NLE1: variants seen among roughly 807,000 people sequenced by gnomAD.
NLE1 encodes the protein notchless protein homolog 1.
In NLE1, 37 loss-of-function variants were observed where a neutral mutation model predicts 62.8. The observed-to-expected ratio is 0.59, with a 90% CI of 0.45 to 0.78. The LOEUF (loss-of-function observed/expected upper bound fraction) is 0.78. Ranked by LOEUF, NLE1 falls within the 30% of genes least tolerant of loss-of-function variation. The probability of loss-of-function intolerance (pLI) is 0.00; values close to 1 mark genes in which losing one functional copy is unlikely to be tolerated. For missense variants in NLE1, 555 were observed against 637.9 expected, an observed-to-expected ratio of 0.87 and a Z score of 1.40; for synonymous variants, 243 against 253.0, an observed-to-expected ratio of 0.96 and a Z score of 0.37.
Position 35,132,244 on chromosome 17 carries a change from G to A in NLE1, c.*193C>T, listed in dbSNP as rs76822461. 2.6e-4 allele frequency: 107 copies of A among 411,572 alleles called. 2 individuals carry two copies. In the East Asian group the frequency reaches 4.0e-3, roughly 15 times the overall value. 25.5% of individuals were successfully genotyped at this position (411,572 alleles called of 1,614,324 possible). On this transcript the variant is annotated 3_prime_UTR_variant, in exon 13 of 13. Coordinates refer to ENST00000442241, the MANE Select transcript of NLE1 (RefSeq NM_018096.5). ...CCTGTGACCTTCGATTTCTGGCTCT[G>A]GGGTGTGCCACAGGCGGGGATCTGT...
rs539119547 is a variant in NLE1, at chr17:35,132,525, A to T, written c.1446-76T>A. On this transcript the variant is annotated intron_variant, in intron 12 of 12. Transcript: ENST00000442241. ...AGGCCGTCATATAATCCCAGTGTCA[A>T]CAGACGGACGGCCTGTGGTCCACCC... 9.4e-5 allele frequency: 116 copies of T among 1,227,622 alleles called. No individual in the cohort carries two copies. In the South Asian group the frequency reaches 2.9e-3, roughly 31 times the overall value. The allele number at this position is 1,227,622 out of a possible 1,614,324, so 76.0% of individuals were successfully genotyped here. A position where few individuals can be genotyped will look rare whatever the true frequency, so the allele number is the denominator to read the frequency against.
chr17:35,137,919 G>A, intron 4 of NLE1, 29 bp from the exon 5 acceptor site: 2 of 1,562,240 alleles, frequency 1.3e-6, no homozygotes, highest in Non-Finnish European at 1.8e-6. Flanking sequence ...GAGAAATAAG[G>A]GACTACATCT....
In NLE1 at chr17:35,137,091, G is replaced by A. The variant is rs139092313; in HGVS notation, c.738C>T (p.Thr246=). The A allele has an allele frequency of 2.9e-5, 47 of 1,613,836 alleles. No individual in the cohort carries two copies. In the Middle Eastern group the frequency reaches 1.6e-3, roughly 56 times the overall value. The part of the protein sequence containing the change: ...GRCERILTGH[T]QSVTCLRWGG... ...CCCACCGGAGACAGGTGACCGACTGGGTGTGCCCGGTGAGGATGCGCTCAC... is the reference window on the plus strand; with the variant it reads ...CCCACCGGAGACAGGTGACCGACTGAGTGTGCCCGGTGAGGATGCGCTCAC... The change falls in exon 7 of 13, where the codon ACC becomes ACT. Residue 246 remains threonine, a synonymous_variant. Coordinates refer to ENST00000442241, the MANE Select transcript of NLE1 (RefSeq NM_018096.5).
Position 35,137,849 on chromosome 17 carries a change from C to T in NLE1, c.502G>A (p.Gly168Ser), listed in dbSNP as rs2091918852. 1 of 1,613,726 alleles carries T rather than the reference C, an allele frequency of 6.2e-7. No individual in the cohort carries two copies. The highest frequency in any genetic ancestry group is 1.7e-5 in the Admixed American group (1 of 60,016). Reference sequence around the variant, plus strand: ...TTGCAGCCTGAGGCCAGCTTCCTGCCATCTGGAGACCAGGATATACTAAGG... The same window carrying T: ...TTGCAGCCTGAGGCCAGCTTCCTGCTATCTGGAGACCAGGATATACTAAGG... Reference protein sequence around the residue: ...WVLSISWSPDGRKLASGCKNG... With the variant: ...WVLSISWSPDSRKLASGCKNG... The change falls in exon 5 of 13, where the codon GGC becomes AGC. Residue 168 changes from glycine (G) to serine (S), a missense_variant. Coordinates refer to ENST00000442241, the MANE Select transcript of NLE1 (RefSeq NM_018096.5).
At position 35,130,105 on chromosome 17, in the gene NLE1, G is replaced by A. The variant is rs2091867297; in HGVS notation, c.*2332C>T. 7.0e-7 allele frequency: 1 copy of A among 1,429,516 alleles called. No homozygotes were observed. Among genetic ancestry groups the A allele is most frequent in the Admixed American group, 2.9e-5 (1 of 34,460 alleles). 88.6% of individuals were successfully genotyped at this position (1,429,516 alleles called of 1,614,324 possible). A position where few individuals can be genotyped will look rare whatever the true frequency, so the allele number is the denominator to read the frequency against. On this transcript the variant is annotated 3_prime_UTR_variant, in exon 13 of 13. Coordinates refer to ENST00000442241, the MANE Select transcript of NLE1 (RefSeq NM_018096.5). ...TTGGTTGGAAATATCCCATAATGAG[G>A]AGGTACAGGCTTGAGTCATGCATCT...
At position 35,130,275 on chromosome 17, in the gene NLE1, A is replaced by G. The variant is rs766211635; in HGVS notation, c.*2162T>C. 5.6e-6 allele frequency: 9 copies of G among 1,612,836 alleles called. No individual in the cohort carries two copies. The highest frequency in any genetic ancestry group is 6.8e-6 in the Non-Finnish European group (8 of 1,179,422). On this transcript the variant is annotated 3_prime_UTR_variant, in exon 13 of 13. Coordinates refer to ENST00000442241, the MANE Select transcript of NLE1 (RefSeq NM_018096.5). ...GAACTCTGAAGGGTTTTCTTGTTTC[A>G]CTTCAGTTTGCAACCCTGGCCACTG...
chr17:35,132,609 CCACT>C (rs2091883216), intron 12 of NLE1, among the ~76,000 whole-genome samples, 160 bp from the exon 13 acceptor site: 1 of 152,142 alleles, frequency 6.6e-6, no homozygotes, highest in African/African-American at 2.4e-5. Context: ...CTCAGGCTGC[CCACT>C]CACTGCCTGC....
rs770485496 is a variant in NLE1 at position 35,136,508 on chromosome 17, G to A, written c.829-11C>T. ...CCGGCACAGCACACCCTACGGGAGA[G>A]CGAGTCAGGTCAGACACACACACTC... On this transcript the variant is annotated splice_polypyrimidine_tract_variant and intron_variant, in intron 7 of 12. Coordinates refer to ENST00000442241, the MANE Select transcript of NLE1 (RefSeq NM_018096.5). 6.8e-6 allele frequency: 11 copies of A among 1,606,780 alleles called. No individual in the cohort carries two copies. In the East Asian group the frequency reaches 1.8e-4, roughly 26 times the overall value.
chr17:35,133,126 G>T, intron 12 of NLE1, 45 bp downstream of exon 12: 2 of 1,556,152 alleles, frequency 1.3e-6, no homozygotes, highest in Non-Finnish European at 1.8e-6. Flanking sequence ...GGACCTTAGG[G>T]GTAGGAGGGC....
At position 35,129,098 on chromosome 17, in the gene NLE1, C is replaced by A; in HGVS notation, c.*3339G>T. The A allele has an allele frequency of 4.0e-6, 1 of 250,152 alleles. No homozygotes were observed. Among genetic ancestry groups the A allele is most frequent in the Non-Finnish European group, 7.8e-6 (1 of 127,602 alleles). 15.5% of individuals were successfully genotyped at this position (250,152 alleles called of 1,614,324 possible). On this transcript the variant is annotated 3_prime_UTR_variant, in exon 13 of 13. Transcript: ENST00000442241. ...AAGCTTCGCTTGCTCGCCCACCAAT[C>A]TCCTCCTGCTGTGCTATCCAGTTCC...
chr17:35,138,737 C>A (rs899172465), intron 4 of NLE1, among the ~76,000 whole-genome samples: 1 of 152,220 alleles, frequency 6.6e-6, no homozygotes, highest in African/African-American at 2.4e-5. Context: ...GGCCACCACG[C>A]CTGGCCAGCA....
Position 35,130,611 on chromosome 17 carries a change from T to A in NLE1, c.*1826A>T. 1.6e-6 allele frequency: 1 copy of A among 635,596 alleles called. No individual in the cohort carries two copies. Among genetic ancestry groups the A allele is most frequent in the Non-Finnish European group, 2.7e-6 (1 of 374,416 alleles). The allele number at this position is 635,596 out of a possible 1,614,324, so 39.4% of individuals were successfully genotyped here. A position where few individuals can be genotyped will look rare whatever the true frequency, so the allele number is the denominator to read the frequency against. ...AGGCTACATAGGGGCCCCATTCACC[T>A]GGAGGCATCTCAGGCCAGGCCATGC... On this transcript the variant is annotated 3_prime_UTR_variant, in exon 13 of 13. Transcript: ENST00000442241.
chr17:35,134,198 G>C (rs1333097489), intron 10 of NLE1, among the ~76,000 whole-genome samples: 1 of 152,168 alleles, frequency 6.6e-6, no homozygotes, highest in Non-Finnish European at 1.5e-5. Context: ...AGATCCACAA[G>C]GTCTGAGTTG....
chr17:35,130,524 G>A lies in NLE1; in HGVS notation c.*1913C>T, dbSNP rs978826820. On this transcript the variant is annotated 3_prime_UTR_variant, in exon 13 of 13. Coordinates refer to ENST00000442241, the MANE Select transcript of NLE1 (RefSeq NM_018096.5). Reference sequence around the variant, plus strand: ...AGCCATGAGACCTACCATACCACCAGCACCCTGCGGGCCCGGGGTCTGGCA... The same window carrying A: ...AGCCATGAGACCTACCATACCACCAACACCCTGCGGGCCCGGGGTCTGGCA... 9 of 1,372,614 alleles carry A rather than the reference G, an allele frequency of 6.6e-6. No individual in the cohort carries two copies. The Admixed American group carries it at 1.8e-4, about 27-fold the overall frequency. 85.0% of individuals were successfully genotyped at this position (1,372,614 alleles called of 1,614,324 possible).
Position 35,129,205 on chromosome 17 carries a change from C to A in NLE1, c.*3232G>T. 1.7e-6 allele frequency: 1 copy of A among 596,992 alleles called. No individual in the cohort carries two copies. Among genetic ancestry groups the A allele is most frequent in the Non-Finnish European group, 3.0e-6 (1 of 336,772 alleles). The allele number at this position is 596,992 out of a possible 1,614,324, so 37.0% of individuals were successfully genotyped here. A position where few individuals can be genotyped will look rare whatever the true frequency, so the allele number is the denominator to read the frequency against. ...ATAAGAAATATGGAATGAGGGTGTA[C>A]CCTAAAGTGGGTGGGGCTGCCCAGG... is the stretch of plus-strand genomic sequence containing the variant. On this transcript the variant is annotated 3_prime_UTR_variant, in exon 13 of 13. Coordinates refer to ENST00000442241, the MANE Select transcript of NLE1 (RefSeq NM_018096.5).
rs373912535 is a variant in NLE1, at chr17:35,135,254, C to T, written c.1209G>A (p.Thr403=). 8.7e-6 allele frequency: 14 copies of T among 1,614,002 alleles called. No homozygotes were observed. The highest frequency in any genetic ancestry group is 5.3e-5 in the African/African-American group (4 of 74,908). ...DKSIKLWDGR[T]GKYLASLRGH... ...CAGTACCCACCCCTACTCACTTGCCCGTCCTGCCATCCCACAGCTTGATGG... is the reference window on the plus strand; with the variant it reads ...CAGTACCCACCCCTACTCACTTGCCTGTCCTGCCATCCCACAGCTTGATGG... Residue 403 remains threonine (T), a synonymous_variant, in exon 10 of 13, where the codon ACG becomes ACA. Coordinates refer to ENST00000442241, the MANE Select transcript of NLE1 (RefSeq NM_018096.5).
chr17:35,138,085 A>C (rs7216118), intron 4 of NLE1, among the ~76,000 whole-genome samples, 195 bp from the exon 5 acceptor site: 158 of 152,314 alleles, frequency 1.0e-3, no homozygotes, highest in African/African-American at 3.5e-3. Context: ...CTGCATGGAT[A>C]ACACCATCAC....
chr17:35,141,904 A>C lies in NLE1; in HGVS notation c.162+75T>G, dbSNP rs1597896190. ...GTTAGCGGGGGACCATGAACCGCAGACCCTCGGTAATATGATTCCCCCACC... is the reference window on the plus strand; with the variant it reads ...GTTAGCGGGGGACCATGAACCGCAGCCCCTCGGTAATATGATTCCCCCACC... On this transcript the variant is annotated intron_variant, in intron 2 of 12. Transcript: ENST00000442241. 2.7e-6 allele frequency: 4 copies of C among 1,468,888 alleles called. No individual in the cohort carries two copies. In the Admixed American group the frequency reaches 8.0e-5, roughly 29 times the overall value. The allele number at this position is 1,468,888 out of a possible 1,614,324, so 91.0% of individuals were successfully genotyped here.
intron 4 of NLE1, 97 bp from the exon 5 acceptor site, chr17:35,137,987 T>C: frequency 1.3e-6 from 1 of 789,124 alleles, no homozygotes; most frequent in Non-Finnish European, 2.1e-6. Flanking sequence ...CTTAACCATT[T>C]GAATAAATGA....
Sources: gnomAD v4.1 joint callset for allele counts (sites outside exome capture counted in the v4.1 genomes callset) on GRCh38, gnomAD v4.1.1 for gene constraint, MANE v1.5 for transcripts, NCBI Gene and HGNC (gene_info 2026-07-23, HGNC 2026-07-21) for gene names.